Variants in UGT1A6 observed in about 807,000 individuals in gnomAD.
UGT1A6 encodes the protein UDP-glucuronosyltransferase 1A6.
In UGT1A6, 32 loss-of-function variants were observed where a neutral mutation model predicts 44.4. The observed-to-expected ratio is 0.72, with a 90% confidence interval of 0.54 to 0.97. The LOEUF (loss-of-function observed/expected upper bound fraction) is 0.97, where lower values mean the gene tolerates loss of function less well. UGT1A6 is among the 50% of genes least tolerant of loss of function. The pLI, the probability that UGT1A6 is intolerant of heterozygous loss-of-function variation, is 0.00. For synonymous variants in UGT1A6, 238 were observed against 248.5 expected (o/e 0.96, Z 0.40); for missense variants, 685 against 661.9 (o/e 1.03, Z -0.38).
At chr2:233,695,195 A>G (rs773449261) in intron 1 of UGT1A6, among the ~76,000 whole-genome samples, 1 of 145,992 alleles carries the variant, frequency 6.8e-6, no homozygotes, top group Non-Finnish European at 1.5e-5. Flanking sequence ...GTGCGATCTC[A>G]GCCCACTGCA....
In UGT1A6 at chr2:233,731,080, T is replaced by C. The variant is rs548797519; in HGVS notation, c.862-35954T>C. Among the ~76,000 whole-genome samples, 7 of 152,364 alleles carry C rather than the reference T, an allele frequency of 4.6e-5. No individual in the cohort carries two copies. In the South Asian group the frequency reaches 1.2e-3, roughly 27 times the overall value. ...AACTTCCATGATTTAGATCCTTTTG[T>C]ATTCTTATTTCTGTGCCTTTTTTAT... On this transcript the variant is annotated intron_variant, in intron 1 of 4. Coordinates refer to ENST00000305139, the MANE Select transcript of UGT1A6 (RefSeq NM_001072.4).
chr2:233,732,056 T>C (rs1452180341), intron 1 of UGT1A6, among the ~76,000 whole-genome samples: 3 of 152,242 alleles, frequency 2.0e-5, no homozygotes, highest in Admixed American at 6.5e-5. Context: ...CATTTATTCA[T>C]GTGTCTGTTG....
chr2:233,738,222 T>G (rs937351311), intron 1 of UGT1A6, among the ~76,000 whole-genome samples: 9 of 152,076 alleles, frequency 5.9e-5, no homozygotes, highest in African/African-American at 1.9e-4. Context: ...ATTATAAGTT[T>G]CCTGAGGCCC....
At chr2:233,697,189 C>T (rs1604144) in intron 1 of UGT1A6, among the ~76,000 whole-genome samples, 49,533 of 151,890 alleles carry the variant, frequency 0.33, 8,582 homozygotes, top group African/African-American at 0.44. Context: ...TAGAATTCAG[C>T]AGTGAATCCA....
At chr2:233,706,468 T>C (rs2075909153) in intron 1 of UGT1A6, among the ~76,000 whole-genome samples, 1 of 152,230 alleles carries the variant, frequency 6.6e-6, no homozygotes, top group African/African-American at 2.4e-5. Flanking sequence ...GGTTTCACCA[T>C]AGGCTGGGTA....
At chr2:233,731,107 A>T (rs1222432137) in intron 1 of UGT1A6, among the ~76,000 whole-genome samples, 4 of 151,962 alleles carry the variant, frequency 2.6e-5, no homozygotes, top group Admixed American at 2.6e-4. Flanking sequence ...CTTTTTTATA[A>T]ATGTAGGTAT....
At chr2:233,763,131 T>C (rs1039292285) in intron 1 of UGT1A6, among the ~76,000 whole-genome samples, 1 of 152,268 alleles carries the variant, frequency 6.6e-6, no homozygotes, top group African/African-American at 2.4e-5. Flanking sequence ...CTGGCATTTA[T>C]TGATATAACC....
intron 1 of UGT1A6, among the ~76,000 whole-genome samples, chr2:233,706,755 G>A (rs1452433367): frequency 1.3e-5 from 2 of 152,148 alleles, no homozygotes; most frequent in East Asian, 1.9e-4. Context: ...GCAGAGTGCC[G>A]TACACTGGTA....
intron 1 of UGT1A6, chr2:233,744,022 A>C (rs773777598): frequency 3.4e-4 from 328 of 975,622 alleles, no homozygotes; most frequent in East Asian, 3.5e-4. Context: ...GCCTGGAGAG[A>C]CGCCCCTTAT....
chr2:233,743,665 C>T lies in UGT1A6; in HGVS notation c.862-23369C>T, dbSNP rs1373066127. Reference sequence around the variant, plus strand: ...AGCTGAAGACGTACTCGAAGGGGTCCTCGAAGGGCCTGCCGCCTGTGCAGC... The same window carrying T: ...AGCTGAAGACGTACTCGAAGGGGTCTTCGAAGGGCCTGCCGCCTGTGCAGC... On this transcript the variant is annotated intron_variant, in intron 1 of 4. Coordinates refer to ENST00000305139, the MANE Select transcript of UGT1A6 (RefSeq NM_001072.4). 9 of 1,367,242 alleles carry T rather than the reference C, an allele frequency of 6.6e-6. 2 individuals are homozygous for T. The African/African-American group carries it at 1.3e-4, about 20-fold the overall frequency. The allele number at this position is 1,367,242 out of a possible 1,614,324, so 84.7% of individuals were successfully genotyped here. A position where few individuals can be genotyped will look rare whatever the true frequency, so the allele number is the denominator to read the frequency against.
intron 1 of UGT1A6, among the ~76,000 whole-genome samples, chr2:233,703,256 A>G (rs1298861474): frequency 6.6e-6 from 1 of 152,138 alleles, no homozygotes; most frequent in Non-Finnish European, 1.5e-5. Context: ...GTGTTCCCTT[A>G]TAATACTTTC....
At chr2:233,713,891 C>G in intron 1 of UGT1A6, 4 of 1,613,316 alleles carry the variant, frequency 2.5e-6, no homozygotes, top group African/African-American at 2.7e-5. Context: ...AATCAATGTT[C>G]CAGGCAAAAC....
At chr2:233,755,001 A>C (rs1350785885) in intron 1 of UGT1A6, 1 of 1,292,842 alleles carries the variant, frequency 7.7e-7, no homozygotes, top group African/African-American at 1.5e-5. Flanking sequence ...GAAGCTGAAG[A>C]CCTACTCGAA....
chr2:233,763,335 T>C (rs1344403817), intron 1 of UGT1A6, among the ~76,000 whole-genome samples: 2 of 152,244 alleles, frequency 1.3e-5, no homozygotes, highest in Non-Finnish European at 2.9e-5. Context: ...TTTGTTTACA[T>C]TTCCCTAGCA....
intron 1 of UGT1A6, among the ~76,000 whole-genome samples, chr2:233,717,290 C>T (rs3806592): frequency 0.42 from 63,446 of 151,946 alleles, 14,273 homozygotes; most frequent in African/African-American, 0.59. Flanking sequence ...ATGTTGCACC[C>T]ACAGCTGAGA....
At chr2:233,711,571 A>G (rs1167156612) in intron 1 of UGT1A6, among the ~76,000 whole-genome samples, 2 of 152,222 alleles carry the variant, frequency 1.3e-5, no homozygotes, top group African/African-American at 4.8e-5. Flanking sequence ...AAGCCCTTGC[A>G]GGCCTGCCTT....
intron 1 of UGT1A6, chr2:233,760,660 T>C: frequency 6.2e-7 from 1 of 1,614,244 alleles, no homozygotes; most frequent in Non-Finnish European, 8.5e-7. Flanking sequence ...TATGCTTTTG[T>C]CTGGCTGTTC....
In UGT1A6 at chr2:233,698,281, T is replaced by C. The variant is rs77422463; in HGVS notation, c.861+4416T>C. Among the ~76,000 whole-genome samples the C allele has an allele frequency of 8.3e-4, 127 of 152,242 alleles. 1 individual carries two copies. In the East Asian group the frequency reaches 0.023, roughly 28 times the overall value. On this transcript the variant is annotated intron_variant, in intron 1 of 4. Coordinates refer to ENST00000305139, the MANE Select transcript of UGT1A6 (RefSeq NM_001072.4). ...CAATAATCAAACCATTTCAACACTA[T>C]GAAAAAAAATGTGTCTTTGGACAGA...
intron 1 of UGT1A6, chr2:233,743,466 A>C (rs1692304653): frequency 7.3e-7 from 1 of 1,366,560 alleles, no homozygotes; most frequent in South Asian, 1.1e-5. Flanking sequence ...AAACACCCCC[A>C]AAAGCTGGAA....
Sources: allele counts gnomAD v4.1 joint callset (sites outside exome capture counted in the v4.1 genomes callset), GRCh38; gene constraint gnomAD v4.1.1; transcripts MANE v1.5; gene names NCBI Gene and HGNC (gene_info 2026-07-23, HGNC 2026-07-21).